TF: variants seen among roughly 807,000 people sequenced by gnomAD.
The protein encoded by TF is transferrin.
In TF, 55 loss-of-function variants were observed where a neutral mutation model predicts 82.4. The ratio of observed to expected loss-of-function variants is 0.67; its 90% CI spans 0.54 to 0.84. The LOEUF (loss-of-function observed/expected upper bound fraction) is 0.84, where lower values mean the gene tolerates loss of function less well. TF is among the 40% of genes least tolerant of loss of function. TF has a pLI of 0.00. For synonymous variants in TF, 332 were observed against 332.6 expected (o/e 1.00, Z 0.02); for missense variants, 737 against 868.4 (o/e 0.85, Z 1.90).
Position 133,779,692 on chromosome 3 carries a change from C to T in TF, c.*1072C>T, listed in dbSNP as rs1934475221. 6.6e-6 allele frequency: 1 copy of T among 152,468 alleles called. No individual in the cohort carries two copies. The highest frequency in any genetic ancestry group is 2.4e-5 in the African/African-American group (1 of 41,452). 9.4% of individuals were successfully genotyped at this position (152,468 alleles called of 1,614,324 possible). A position where few individuals can be genotyped will look rare whatever the true frequency, so the allele number is the denominator to read the frequency against. ...AGTGATGCTCATGACTCCTAGGCAT[C>T]TGTATCTATAGCTGTGACCCCAGCC... On this transcript the variant is annotated 3_prime_UTR_variant, in exon 17 of 17. Coordinates refer to ENST00000402696, the MANE Select transcript of TF (RefSeq NM_001063.4).
At chr3:133,754,415 C>T (rs1298270269) in intron 3 of TF, 80 bp from the exon 4 acceptor site, 1 of 1,466,046 alleles carries the variant, frequency 6.8e-7, no homozygotes, top group Non-Finnish European at 9.5e-7. Flanking sequence ...GCTCCCCTCC[C>T]TCCTCAAGAG....
At chr3:133,767,051 C>G (rs548351209) in intron 12 of TF, among the ~76,000 whole-genome samples, 1 of 152,270 alleles carries the variant, frequency 6.6e-6, no homozygotes, top group East Asian at 1.9e-4. Context: ...CAAGGAGAAA[C>G]AGATATTGGG....
chr3:133,743,577 T>C (rs139742245), upstream of TF, among the ~76,000 whole-genome samples: 146 of 152,244 alleles, frequency 9.6e-4, 3 homozygotes, highest in African/African-American at 3.4e-3. Context: ...TTGAACAAGA[T>C]ATCATCCTCT....
chr3:133,701,501 G>A, the TF span, among the ~76,000 whole-genome samples: 1,345 of 152,296 alleles, frequency 8.8e-3, 30 homozygotes, highest in African/African-American at 0.029. Context: ...ATCTACAGAA[G>A]GGCAGCCACT....
upstream of TF, among the ~76,000 whole-genome samples, chr3:133,741,587 A>C (rs1933392157): frequency 6.6e-6 from 1 of 152,202 alleles, no homozygotes; most frequent in South Asian, 2.1e-4. Flanking sequence ...TATCAGACTG[A>C]GAAAGGTTTG....
At chr3:133,736,029 G>GA in the TF span, among the ~76,000 whole-genome samples, 1 of 152,134 alleles carries the variant, frequency 6.6e-6, no homozygotes, top group African/African-American at 2.4e-5. Context: ...TTGAAATGAA[G>GA]AAAAAATGTT....
At chr3:133,697,369 T>C in the TF span, among the ~76,000 whole-genome samples, 1 of 152,078 alleles carries the variant, frequency 6.6e-6, no homozygotes, top group East Asian at 1.9e-4. Context: ...AGTGGGGTCA[T>C]CTATGGGTCT....
At chr3:133,715,314 C>T in the TF span, among the ~76,000 whole-genome samples, 1 of 152,176 alleles carries the variant, frequency 6.6e-6, no homozygotes, top group South Asian at 2.1e-4. Flanking sequence ...ATAAATTCTA[C>T]AACACCCTGC....
the TF span, among the ~76,000 whole-genome samples, chr3:133,724,574 G>C: frequency 6.6e-6 from 1 of 152,064 alleles, no homozygotes; most frequent in Non-Finnish European, 1.5e-5. Flanking sequence ...CAGATGAGTC[G>C]GTTGCGAAAA....
chr3:133,663,485 G>GAAAAAAA, the TF span, among the ~76,000 whole-genome samples: 6 of 150,142 alleles, frequency 4.0e-5, 1 homozygote, highest in East Asian at 1.9e-4. Context: ...CTAGAGGTGG[G>GAAAAAAA]AAAAAAAAGA....
chr3:133,735,690 A>G, the TF span, among the ~76,000 whole-genome samples: 9 of 152,230 alleles, frequency 5.9e-5, no homozygotes, highest in Non-Finnish European at 7.4e-5. Context: ...TTGATCAGGC[A>G]GAAGAAAGGA....
the TF span, among the ~76,000 whole-genome samples, chr3:133,722,040 C>T: frequency 1.3e-5 from 2 of 151,954 alleles, no homozygotes; most frequent in African/African-American, 2.4e-5. Flanking sequence ...CCACCAAGCT[C>T]GGCTAATTTT....
At chr3:133,724,713 G>A in the TF span, among the ~76,000 whole-genome samples, 1 of 152,202 alleles carries the variant, frequency 6.6e-6, no homozygotes, top group Non-Finnish European at 1.5e-5. Flanking sequence ...TGGTGTTTTA[G>A]ACATGAAGTC....
the TF span, among the ~76,000 whole-genome samples, chr3:133,704,606 A>G: frequency 6.6e-6 from 1 of 152,280 alleles, no homozygotes; most frequent in Admixed American, 6.5e-5. Context: ...CTTACCTTAA[A>G]GTTGCCCACT....
chr3:133,710,783 T>C, the TF span, among the ~76,000 whole-genome samples: 1 of 152,192 alleles, frequency 6.6e-6, no homozygotes, highest in East Asian at 1.9e-4. Flanking sequence ...TTTTCCATCT[T>C]TAAAATTGGC....
chr3:133,755,391 T>C lies in TF; in HGVS notation c.531T>C (p.Cys177=). Residue 177 remains cysteine (C), a synonymous_variant, in exon 5 of 17, where the codon TGT becomes TGC. Transcript: ENST00000402696. ...TGGCCAATTTCTTCTCGGGCAGCTG[T>C]GCCCCTTGTGCGGATGGGACGGACT... is the stretch of plus-strand genomic sequence containing the variant. ...KAVANFFSGS[C]APCADGTDFP... 6.2e-7 allele frequency: 1 copy of C among 1,614,232 alleles called. No homozygotes were observed. Among genetic ancestry groups the C allele is most frequent in the Non-Finnish European group, 8.5e-7 (1 of 1,180,044 alleles).
chr3:133,668,970 G>A, the TF span, among the ~76,000 whole-genome samples: 34 of 152,186 alleles, frequency 2.2e-4, 1 homozygote, highest in African/African-American at 6.3e-4. Flanking sequence ...TTCTTTGGAT[G>A]CCTTTCTCCC....
the TF span, among the ~76,000 whole-genome samples, chr3:133,689,744 A>G: frequency 6.6e-6 from 1 of 152,224 alleles, no homozygotes; most frequent in African/African-American, 2.4e-5. Flanking sequence ...TATCCATTCA[A>G]CTACCTAATT....
At chr3:133,666,606 A>T in the TF span, among the ~76,000 whole-genome samples, 1 of 152,228 alleles carries the variant, frequency 6.6e-6, no homozygotes. Flanking sequence ...AGTCTCCTCT[A>T]GCAAAGAGGA....
Sources: allele counts gnomAD v4.1 joint callset (sites outside exome capture counted in the v4.1 genomes callset), GRCh38; gene constraint gnomAD v4.1.1; transcripts MANE v1.5; gene names NCBI Gene and HGNC (gene_info 2026-07-23, HGNC 2026-07-21).